The following NCS1 variants were observed in gnomAD, a reference collection of about 807,000 sequenced individuals.
The protein encoded by NCS1 is frequenin homolog.
Under a neutral mutation model 28.4 loss-of-function variants are expected in NCS1, and 6 were observed. The observed-to-expected ratio is 0.21, with a 90% CI of 0.12 to 0.42. NCS1 has a LOEUF of 0.42. Ranked by LOEUF, NCS1 falls within the 10% of genes least tolerant of loss-of-function variation. The probability of loss-of-function intolerance (pLI) is 1.00; values close to 1 mark genes in which losing one functional copy is unlikely to be tolerated. For synonymous variants in NCS1, 86 were observed against 99.3 expected (o/e 0.87, Z 0.79); for missense variants, 131 against 241.4 (o/e 0.54, Z 3.03).
intron 2 of NCS1, among the ~76,000 whole-genome samples, chr9:130,210,264 T>C (rs1207582362): frequency 6.6e-6 from 1 of 152,048 alleles, no homozygotes; most frequent in Non-Finnish European, 1.5e-5. Context: ...CTGGGCATGG[T>C]GGCACGCACC....
rs567388844 is a variant in NCS1, at chr9:130,202,361, GAAACC to G, written c.89+1380_89+1384del. 6.6e-3 allele frequency among the ~76,000 whole-genome samples: 177 copies of G among 26,632 alleles called. 1 individual carries two copies. The highest frequency in any genetic ancestry group is 0.022 in the African/African-American group (173 of 7,760). 17.5% of individuals were successfully genotyped at this position (26,632 alleles called of 152,430 possible). ...TCCTCGCCCCTCCCCCCCACCCCCT[GAAACC>G]CCCCAGGCCTCTGTCAGAGTTCCCA... On this transcript the variant is annotated intron_variant, in intron 2 of 7. Coordinates refer to ENST00000372398, the MANE Select transcript of NCS1 (RefSeq NM_014286.4).
At chr9:130,190,419 A>G (rs1832802428) in intron 1 of NCS1, among the ~76,000 whole-genome samples, 1 of 152,126 alleles carries the variant, frequency 6.6e-6, no homozygotes, top group Non-Finnish European at 1.5e-5. Flanking sequence ...GTATGTAACT[A>G]TGGTAGGTTT....
chr9:130,233,866 T>C lies in NCS1; in HGVS notation c.*894T>C, dbSNP rs1353156610. 6.6e-6 allele frequency: 1 copy of C among 152,114 alleles called. No individual in the cohort carries two copies. The highest frequency in any genetic ancestry group is 1.5e-5 in the Non-Finnish European group (1 of 68,048). The allele number at this position is 152,114 out of a possible 1,614,324, so 9.4% of individuals were successfully genotyped here. A position where few individuals can be genotyped will look rare whatever the true frequency, so the allele number is the denominator to read the frequency against. ...GAGGTGGAAATTCCTAAATGGCTAA[T>C]GCACTGTTCCCTCCAGCCCGAATGC... is the stretch of plus-strand genomic sequence containing the variant. On this transcript the variant is annotated 3_prime_UTR_variant, in exon 8 of 8. Coordinates refer to ENST00000372398, the MANE Select transcript of NCS1 (RefSeq NM_014286.4). The surrounding 1 kb of genome is among the most constrained non-coding windows in gnomAD (Gnocchi z 4.8).
At chr9:130,225,838 G>A (rs181538554) in intron 6 of NCS1, among the ~76,000 whole-genome samples, 48 of 152,224 alleles carry the variant, frequency 3.2e-4, no homozygotes, top group South Asian at 2.3e-3. Flanking sequence ...GTGGTCCGCC[G>A]GCTTCCTTGA....
At chr9:130,193,773 G>A (rs1240260290) in intron 1 of NCS1, 2 of 153,274 alleles carry the variant, frequency 1.3e-5, no homozygotes, top group Non-Finnish European at 2.9e-5. Context: ...GAGAGGCGTG[G>A]GCCTGGGAGG....
Position 130,181,884 on chromosome 9 carries a change from G to A in NCS1, c.64+9157G>A, listed in dbSNP as rs1832663875. 6.6e-6 allele frequency among the ~76,000 whole-genome samples: 1 copy of A among 152,042 alleles called. No homozygotes were observed. The highest frequency in any genetic ancestry group is 1.5e-5 in the Non-Finnish European group (1 of 67,990). The stretch of plus-strand genomic sequence containing the variant: ...CCTGTGCGCACGCGTGTGGTGGTGT[G>A]TGAGGGCAGCTCTGTACAGGTTGTA... On this transcript the variant is annotated intron_variant, in intron 1 of 7. Coordinates refer to ENST00000372398, the MANE Select transcript of NCS1 (RefSeq NM_014286.4). This position sits in a 1 kb window ranked among gnomAD's most constrained non-coding sequence, Gnocchi z 5.0.
At chr9:130,188,228 G>A (rs1373614194) in intron 1 of NCS1, among the ~76,000 whole-genome samples, 3 of 152,186 alleles carry the variant, frequency 2.0e-5, no homozygotes, top group African/African-American at 4.8e-5. Flanking sequence ...AGTGTGATGT[G>A]GCTTCTTGTG....
rs1832557312 is a variant in NCS1 at position 130,175,905 on chromosome 9, C to T, written c.64+3178C>T. Among the ~76,000 whole-genome samples the T allele has an allele frequency of 6.6e-6, 1 of 152,202 alleles. No homozygotes were observed. On this transcript the variant is annotated intron_variant, in intron 1 of 7. Transcript: ENST00000372398. The surrounding 1 kb of genome is among the most constrained non-coding windows in gnomAD (Gnocchi z 4.9). ...TCAGGTCTGGCCCACTCTCTTCCAACCTGCTGGTGAGGCTGTTGGCTTCCC... is the reference window on the plus strand; with the variant it reads ...TCAGGTCTGGCCCACTCTCTTCCAATCTGCTGGTGAGGCTGTTGGCTTCCC...
rs1317881440 is a variant in NCS1, at chr9:130,180,985, G to A, written c.64+8258G>A. ...GCTTTTAGGCTCCTGTGCGCCCAGG[G>A]GCTCAGAGGATGGACAGCAGCCTGC... On this transcript the variant is annotated intron_variant, in intron 1 of 7. Transcript: ENST00000372398. The surrounding 1 kb of genome is among the most constrained non-coding windows in gnomAD (Gnocchi z 4.5). Among the ~76,000 whole-genome samples, 5 of 152,184 alleles carry A rather than the reference G, an allele frequency of 3.3e-5. No individual in the cohort carries two copies. Among genetic ancestry groups the A allele is most frequent in the African/African-American group, 1.2e-4 (5 of 41,444 alleles).
intron 6 of NCS1, 114 bp downstream of exon 6, chr9:130,223,273 C>T (rs985201827): frequency 1.2e-5 from 11 of 904,408 alleles, no homozygotes; most frequent in African/African-American, 4.9e-5. Context: ...CCATGGCTCA[C>T]GGCAGGCGGC....
intron 7 of NCS1, among the ~76,000 whole-genome samples, chr9:130,230,153 C>T (rs1324105677): frequency 1.3e-5 from 2 of 152,144 alleles, no homozygotes; most frequent in Non-Finnish European, 2.9e-5. Context: ...GAGTTCAAGA[C>T]CAGCCTGGGC....
rs1014853562 is a variant in NCS1, at chr9:130,226,765, G to A, written c.*17+261G>A. On this transcript the variant is annotated intron_variant, in intron 7 of 7. Coordinates refer to ENST00000372398, the MANE Select transcript of NCS1 (RefSeq NM_014286.4). The surrounding 1 kb of genome is among the most constrained non-coding windows in gnomAD (Gnocchi z 4.8). ...AATTTTTCTGGGCGCGGTGGCTCAC[G>A]CCTGTAATCCCAGCACTTTGGGAAG... Among the ~76,000 whole-genome samples, 3 of 152,088 alleles carry A rather than the reference G, an allele frequency of 2.0e-5. No individual in the cohort carries two copies. The highest frequency in any genetic ancestry group is 2.1e-4 in the South Asian group (1 of 4,816).
At chr9:130,211,460 C>T (rs1290532694) in intron 2 of NCS1, among the ~76,000 whole-genome samples, 1 of 151,620 alleles carries the variant, frequency 6.6e-6, no homozygotes, top group African/African-American at 2.4e-5. Flanking sequence ...CATCTCTACT[C>T]CTCCACCCTG....
intron 7 of NCS1, among the ~76,000 whole-genome samples, chr9:130,227,293 T>C (rs1009037679): frequency 3.3e-5 from 5 of 152,144 alleles, no homozygotes; most frequent in Non-Finnish European, 7.4e-5. Context: ...TGCCTCTTCT[T>C]TGTGGAGTGT....
rs1240585252 is a variant in NCS1, at chr9:130,181,871, C to T, written c.64+9144C>T. Among the ~76,000 whole-genome samples the T allele has an allele frequency of 2.0e-5, 3 of 149,670 alleles. No homozygotes were observed. The highest frequency in any genetic ancestry group is 3.0e-5 in the Non-Finnish European group (2 of 67,580). On this transcript the variant is annotated intron_variant, in intron 1 of 7. Coordinates refer to ENST00000372398, the MANE Select transcript of NCS1 (RefSeq NM_014286.4). This position sits in a 1 kb window ranked among gnomAD's most constrained non-coding sequence, Gnocchi z 5.0. ...TGAGCCGGGCACTCCTGTGCGCACG[C>T]GTGTGGTGGTGTGTGAGGGCAGCTC...
At chr9:130,212,935 G>T (rs1833131828) in intron 2 of NCS1, among the ~76,000 whole-genome samples, 1 of 152,186 alleles carries the variant, frequency 6.6e-6, no homozygotes, top group African/African-American at 2.4e-5. Context: ...TTGCAGGGTG[G>T]TAGAGGCCTG....
chr9:130,224,669 C>T (rs562697003), intron 6 of NCS1, among the ~76,000 whole-genome samples: 6 of 152,182 alleles, frequency 3.9e-5, no homozygotes, highest in South Asian at 4.1e-4. Flanking sequence ...CTATGCTTAT[C>T]ACCTGAGTGA....
chr9:130,225,205 ATCAG>A (rs1474890827), intron 6 of NCS1, among the ~76,000 whole-genome samples: 13 of 152,238 alleles, frequency 8.5e-5, no homozygotes, highest in African/African-American at 2.9e-4. Flanking sequence ...CAATCAATCG[ATCAG>A]TCAATCATAG....
At chr9:130,200,778 C>T (rs1298455765) in intron 1 of NCS1, among the ~76,000 whole-genome samples, 180 bp from the exon 2 acceptor site, 3 of 152,134 alleles carry the variant, frequency 2.0e-5, no homozygotes, top group African/African-American at 7.2e-5. Flanking sequence ...GTGGTGGGTA[C>T]AGAGCCCCTG....
Sources: gnomAD v4.1 joint callset for allele counts (sites outside exome capture counted in the v4.1 genomes callset) on GRCh38, gnomAD v4.1.1 for gene constraint, Gnocchi (gnomAD v3.1) non-coding constraint, MANE v1.5 for transcripts, NCBI Gene and HGNC (gene_info 2026-07-23, HGNC 2026-07-21) for gene names.